Variants in RTN1 observed in about 807,000 individuals in gnomAD.
RTN1 encodes the protein reticulon-1.
Under a neutral mutation model 65.5 loss-of-function variants are expected in RTN1, and 25 were observed. The ratio of observed to expected loss-of-function variants is 0.38; its 90% CI spans 0.28 to 0.53. RTN1 has a LOEUF of 0.53. Among genes scored for constraint, RTN1 ranks in the 20% least tolerant of loss-of-function variants. RTN1 has a pLI of 0.79. For synonymous variants in RTN1, 471 were observed against 447.6 expected, an observed-to-expected ratio of 1.05 and a Z score of -0.66; for missense variants, 983 against 1,025.4, an observed-to-expected ratio of 0.96 and a Z score of 0.57.
intron 1 of RTN1, among the ~76,000 whole-genome samples, chr14:59,757,733 C>T (rs1885668345): frequency 2.0e-5 from 3 of 152,122 alleles, no homozygotes; most frequent in Non-Finnish European, 2.9e-5. Flanking sequence ...CTGAATCTAC[C>T]AGTGCCTTGA....
intron 1 of RTN1, among the ~76,000 whole-genome samples, chr14:59,821,772 G>C (rs1300713898): frequency 7.2e-5 from 11 of 152,120 alleles, no homozygotes; most frequent in Non-Finnish European, 1.5e-5. Flanking sequence ...CGAGATGATT[G>C]TGTGGCTTTT....
rs1594703913 is a variant in RTN1 at position 59,727,562 on chromosome 14, T to A, written c.1122A>T (p.Pro374=). The A allele has an allele frequency of 6.2e-7, 1 of 1,611,844 alleles. No homozygotes were observed. The highest frequency in any genetic ancestry group is 1.3e-5 in the African/African-American group (1 of 74,898). The stretch of plus-strand genomic sequence containing the variant: ...TGTCGGCCAGCTGGCCCACCGGCCG[T>A]GGGTTCTCGGCGGTTTCATACGATA... ...KGLSYETAEN[P]RPVGQLADRP... Residue 374 remains proline (P), a synonymous_variant, in exon 3 of 9, where the codon CCA becomes CCT. Coordinates refer to ENST00000267484, the MANE Select transcript of RTN1 (RefSeq NM_021136.3). The surrounding 1 kb of genome is among the most constrained non-coding windows in gnomAD (Gnocchi z 4.2).
intron 3 of RTN1, among the ~76,000 whole-genome samples, chr14:59,669,276 TA>T (rs1301035608): frequency 2.0e-5 from 3 of 152,066 alleles, no homozygotes; most frequent in African/African-American, 7.2e-5. Flanking sequence ...TATGCAGCCA[TA>T]AAAAAGGATG....
chr14:59,793,441 C>G (rs997775875), intron 1 of RTN1, among the ~76,000 whole-genome samples: 9 of 151,988 alleles, frequency 5.9e-5, no homozygotes, highest in African/African-American at 2.2e-4. Context: ...ACAGAAGCAC[C>G]AGACTCCATT....
At chr14:59,664,342 A>C (rs1469842362) in intron 3 of RTN1, among the ~76,000 whole-genome samples, 1 of 152,200 alleles carries the variant, frequency 6.6e-6, no homozygotes, top group East Asian at 1.9e-4. Context: ...GGGAAGTGAT[A>C]GCATTAGGAG....
At chr14:59,676,352 T>C (rs1883627317) in intron 3 of RTN1, among the ~76,000 whole-genome samples, 1 of 152,218 alleles carries the variant, frequency 6.6e-6, no homozygotes, top group Admixed American at 6.5e-5. Context: ...TTCTTTTCTG[T>C]GATATAAATA....
At chr14:59,698,285 T>C (rs894405741) in intron 3 of RTN1, among the ~76,000 whole-genome samples, 10 of 152,210 alleles carry the variant, frequency 6.6e-5, no homozygotes, top group Non-Finnish European at 1.0e-4. Context: ...TAAATGGTGA[T>C]TCCTTGGTTT....
intron 3 of RTN1, among the ~76,000 whole-genome samples, chr14:59,641,391 A>G (rs1882777682): frequency 6.6e-6 from 1 of 151,882 alleles, no homozygotes; most frequent in Admixed American, 6.6e-5. Flanking sequence ...TGTTTTTGAG[A>G]CAGAGTTTCA....
At chr14:59,851,870 AAAAG>A (rs1021708188) in intron 1 of RTN1, among the ~76,000 whole-genome samples, 3 of 152,040 alleles carry the variant, frequency 2.0e-5, no homozygotes, top group Admixed American at 6.6e-5. Context: ...AAAAAAAAAA[AAAAG>A]AATAAACCAA....
chr14:59,606,105 T>TAG lies in RTN1; in HGVS notation c.1974-600_1974-599insCT, dbSNP rs1566658053. 8.6e-4 allele frequency: 31 copies of TAG among 35,896 alleles called. 1 individual carries two copies. Among genetic ancestry groups the TAG allele is most frequent in the African/African-American group, 3.9e-3 (31 of 8,020 alleles). The allele number at this position is 35,896 out of a possible 1,614,324, so 2.2% of individuals were successfully genotyped here. On this transcript the variant is annotated intron_variant, in intron 4 of 8. Transcript: ENST00000267484. ...TAATTCTTGGGTGGGAAAAACATGA[T>TAG]ATATATATATATATATATATATCAT...
chr14:59,746,906 T>C lies in RTN1; in HGVS notation c.242-425A>G, dbSNP rs193001057. 6.4e-3 allele frequency among the ~76,000 whole-genome samples: 968 copies of C among 152,284 alleles called. 8 individuals are homozygous for C. The highest frequency in any genetic ancestry group is 9.5e-3 in the Non-Finnish European group (649 of 68,010). Reference sequence around the variant, plus strand: ...CAGGATTGTAACTGCAACAATAGGATAGCTGACTGGGTACAGGAGCTGCTC... The same window carrying C: ...CAGGATTGTAACTGCAACAATAGGACAGCTGACTGGGTACAGGAGCTGCTC... On this transcript the variant is annotated intron_variant, in intron 1 of 8. Coordinates refer to ENST00000267484, the MANE Select transcript of RTN1 (RefSeq NM_021136.3).
At chr14:59,666,879 A>G (rs967480821) in intron 3 of RTN1, among the ~76,000 whole-genome samples, 3 of 150,722 alleles carry the variant, frequency 2.0e-5, no homozygotes, top group South Asian at 2.1e-4. Flanking sequence ...CACCCTCCCA[A>G]GACTAAACCA....
At chr14:59,798,564 C>G (rs751521524) in intron 1 of RTN1, among the ~76,000 whole-genome samples, 2 of 152,172 alleles carry the variant, frequency 1.3e-5, no homozygotes, top group African/African-American at 4.8e-5. Flanking sequence ...ATCATAACAT[C>G]TCCCAATCTC....
chr14:59,745,306 G>A (rs1230151668), intron 2 of RTN1, among the ~76,000 whole-genome samples: 1 of 152,088 alleles, frequency 6.6e-6, no homozygotes, highest in Non-Finnish European at 1.5e-5. Flanking sequence ...CAGGTATTCT[G>A]TTATAAGCAA....
At chr14:59,647,940 C>A (rs761094566) in intron 3 of RTN1, among the ~76,000 whole-genome samples, 1 of 152,008 alleles carries the variant, frequency 6.6e-6, no homozygotes, top group African/African-American at 2.4e-5. Flanking sequence ...TAACCAAAAT[C>A]AGGGCTGAAT....
At chr14:59,626,456 C>T (rs974945732) in intron 3 of RTN1, among the ~76,000 whole-genome samples, 1 of 152,198 alleles carries the variant, frequency 6.6e-6, no homozygotes, top group Non-Finnish European at 1.5e-5. Flanking sequence ...ATGTATCAAT[C>T]AACCATACTA....
At chr14:59,795,784 A>G (rs1886428394) in intron 1 of RTN1, among the ~76,000 whole-genome samples, 1 of 152,190 alleles carries the variant, frequency 6.6e-6, no homozygotes. Flanking sequence ...ATATACATGT[A>G]ATTGTTGCTG....
intron 1 of RTN1, among the ~76,000 whole-genome samples, chr14:59,770,438 A>G (rs1432352847): frequency 6.6e-6 from 1 of 151,364 alleles, no homozygotes; most frequent in Non-Finnish European, 1.5e-5. Flanking sequence ...AGACTAATGC[A>G]TGATTTCATT....
chr14:59,634,910 G>A (rs367581327), intron 3 of RTN1, among the ~76,000 whole-genome samples: 81 of 152,326 alleles, frequency 5.3e-4, no homozygotes, highest in African/African-American at 1.8e-3. Flanking sequence ...ACAGAAATGT[G>A]CAGGGGCTAG....
Sources: allele counts gnomAD v4.1 joint callset (sites outside exome capture counted in the v4.1 genomes callset), GRCh38; gene constraint gnomAD v4.1.1; non-coding constraint Gnocchi (gnomAD v3.1); transcripts MANE v1.5; gene names NCBI Gene and HGNC (gene_info 2026-07-23, HGNC 2026-07-21).